The following TLE4 variants were observed in gnomAD, a reference collection of about 807,000 sequenced individuals.
TLE4 encodes transducin-like enhancer protein 4.
A neutral mutation model predicts 92.8 loss-of-function variants in TLE4; 8 were observed. The observed-to-expected ratio is 0.09, with a 90% confidence interval of 0.05 to 0.16. TLE4 has a LOEUF of 0.16. TLE4 is among the 10% of genes least tolerant of loss of function. TLE4 has a pLI of 1.00. For synonymous variants in TLE4, 371 were observed against 374.1 expected (o/e 0.99, Z 0.10); for missense variants, 675 against 997.6 (o/e 0.68, Z 4.36).
chr9:79,622,464 T>A (rs949125118), intron 5 of TLE4, among the ~76,000 whole-genome samples: 2 of 152,192 alleles, frequency 1.3e-5, no homozygotes, highest in African/African-American at 4.8e-5. Context: ...ATCCTTCAGG[T>A]CTCAGTTGTC....
At chr9:79,621,787 C>G (rs2051060935) in intron 5 of TLE4, among the ~76,000 whole-genome samples, 1 of 152,132 alleles carries the variant, frequency 6.6e-6, no homozygotes, top group South Asian at 2.1e-4. Flanking sequence ...ACTCTGGCAT[C>G]TGGGTCTCAT....
At chr9:79,676,005 G>A (rs2063191439) in intron 8 of TLE4, among the ~76,000 whole-genome samples, 1 of 152,114 alleles carries the variant, frequency 6.6e-6, no homozygotes, top group Admixed American at 6.6e-5. Flanking sequence ...ATTTTCAGGT[G>A]TGGGCTGCTC....
chr9:79,632,871 CTG>C (rs1194004321), intron 6 of TLE4, among the ~76,000 whole-genome samples: 4 of 152,178 alleles, frequency 2.6e-5, no homozygotes, highest in Admixed American at 2.6e-4. Flanking sequence ...TGGCCACTGT[CTG>C]TGTCGTGTAC....
At chr9:79,682,297 GT>G (rs2064875994) in intron 8 of TLE4, among the ~76,000 whole-genome samples, 1 of 152,096 alleles carries the variant, frequency 6.6e-6, no homozygotes, top group Middle Eastern at 3.2e-3. Context: ...GTGTATTAAT[GT>G]TTGATTATAG....
At chr9:79,674,207 A>G (rs2062870276) in intron 8 of TLE4, among the ~76,000 whole-genome samples, 1 of 152,176 alleles carries the variant, frequency 6.6e-6, no homozygotes, top group African/African-American at 2.4e-5. Context: ...TGCTAGCTTT[A>G]TGACCTTGGA....
chr9:79,654,565 T>C (rs985411918), intron 8 of TLE4, among the ~76,000 whole-genome samples: 7 of 152,138 alleles, frequency 4.6e-5, no homozygotes, highest in African/African-American at 1.7e-4. Flanking sequence ...TCACCAACTT[T>C]TCTTTCAAAT....
At chr9:79,659,750 G>A (rs970550153) in intron 8 of TLE4, among the ~76,000 whole-genome samples, 1 of 152,042 alleles carries the variant, frequency 6.6e-6, no homozygotes, top group African/African-American at 2.4e-5. Context: ...GTTAGGGCAT[G>A]GGGAATCAGG....
At chr9:79,687,011 C>T (rs907953805) in intron 8 of TLE4, among the ~76,000 whole-genome samples, 20 of 152,204 alleles carry the variant, frequency 1.3e-4, no homozygotes, top group Admixed American at 1.2e-3. Context: ...AGACACTGCA[C>T]TTAGGCTCTG....
rs2036023928 is a variant in TLE4 at position 79,572,238 on chromosome 9, G to A, written c.-553G>A. The A allele has an allele frequency of 6.6e-6, 1 of 152,182 alleles. No individual in the cohort carries two copies. The highest frequency in any genetic ancestry group is 1.9e-4 in the East Asian group (1 of 5,198). 9.4% of individuals were successfully genotyped at this position (152,182 alleles called of 1,614,324 possible). On this transcript the variant is annotated 5_prime_UTR_variant, in exon 1 of 20. Coordinates refer to ENST00000376552, the MANE Select transcript of TLE4 (RefSeq NM_007005.6). ...AAAAGGTGCCTTTTAAAAGATCGTT[G>A]CTGTGAAGTGAAAAAAATCTCCAGA... is the stretch of plus-strand genomic sequence containing the variant.
chr9:79,611,167 C>T (rs1247323957), intron 4 of TLE4, among the ~76,000 whole-genome samples: 5 of 152,004 alleles, frequency 3.3e-5, no homozygotes, highest in East Asian at 3.9e-4. Context: ...GTGGTATGTT[C>T]GTCCAGGTGG....
At chr9:79,682,061 A>G (rs1164892770) in intron 8 of TLE4, among the ~76,000 whole-genome samples, 1 of 152,022 alleles carries the variant, frequency 6.6e-6, no homozygotes, top group African/African-American at 2.4e-5. Context: ...GATTCAGCAC[A>G]TTGGCAGTTG....
At chr9:79,631,799 T>C (rs2054330176) in intron 6 of TLE4, among the ~76,000 whole-genome samples, 1 of 151,972 alleles carries the variant, frequency 6.6e-6, no homozygotes, top group South Asian at 2.1e-4. Flanking sequence ...CGTGGTCATT[T>C]TCCTTGTATT....
chr9:79,668,366 G>A (rs1422923030), intron 8 of TLE4, among the ~76,000 whole-genome samples: 1 of 152,210 alleles, frequency 6.6e-6, no homozygotes, highest in Non-Finnish European at 1.5e-5. Context: ...AGGAGTAGTG[G>A]TTTTCTTTCT....
At chr9:79,593,560 AG>A in intron 4 of TLE4, among the ~76,000 whole-genome samples, 1 of 152,360 alleles carries the variant, frequency 6.6e-6, no homozygotes, top group Non-Finnish European at 1.5e-5. Context: ...GGCCTTTAAA[AG>A]ATGGGTTTGA....
intron 14 of TLE4, among the ~76,000 whole-genome samples, chr9:79,717,600 G>A (rs1161143680): frequency 6.6e-6 from 1 of 152,196 alleles, no homozygotes; most frequent in Non-Finnish European, 1.5e-5. Context: ...ATAATGGACT[G>A]AATTTTGATG....
rs765570756 is a variant in TLE4 at position 79,725,123 on chromosome 9, A to G, written c.2301A>G (p.Thr767=). Residue 767 remains threonine (T), a synonymous_variant, in exon 20 of 20, where the codon ACA becomes ACG. Coordinates refer to ENST00000376552, the MANE Select transcript of TLE4 (RefSeq NM_007005.6). ...CTGGCTCTGGGGATAAGAAGGCCAC[A>G]GTTTATGAAGTTATTTATTAAAGAC... is the stretch of plus-strand genomic sequence containing the variant. The part of the protein sequence containing the change: ...IVTGSGDKKA[T]VYEVIY The G allele has an allele frequency of 4.3e-6, 7 of 1,613,522 alleles. No individual in the cohort carries two copies. The highest frequency in any genetic ancestry group is 5.1e-6 in the Non-Finnish European group (6 of 1,179,480).
chr9:79,699,221 G>A (rs980718594), intron 8 of TLE4, among the ~76,000 whole-genome samples: 13 of 152,110 alleles, frequency 8.5e-5, no homozygotes, highest in African/African-American at 2.9e-4. Context: ...GCTTTTCTAA[G>A]GGGTTGCAGA....
rs947971071 is a variant in TLE4, at chr9:79,724,849, T to TAAAAAAAAAAAAAAAAAAA, written c.2215-174_2215-156dup. On this transcript the variant is annotated intron_variant, in intron 19 of 19. Coordinates refer to ENST00000376552, the MANE Select transcript of TLE4 (RefSeq NM_007005.6). ...GTGACTGAGGGAGACCCTGTCTTAT[T>TAAAAAAAAAAAAAAAAAAA]AAAAAAAAAAAAAAAAAAAAAAAAA... is the stretch of plus-strand genomic sequence containing the variant. 1.2e-4 allele frequency among the ~76,000 whole-genome samples: 3 copies of TAAAAAAAAAAAAAAAAAAA among 25,990 alleles called. 1 individual carries two copies. The highest frequency in any genetic ancestry group is 4.9e-4 in the African/African-American group (3 of 6,176). The allele number at this position is 25,990 out of a possible 152,430, so 17.1% of individuals were successfully genotyped here.
At chr9:79,718,469 TC>T (rs938697882) in intron 14 of TLE4, among the ~76,000 whole-genome samples, 1 of 152,180 alleles carries the variant, frequency 6.6e-6, no homozygotes, top group African/African-American at 2.4e-5. Context: ...GAACTGCTGT[TC>T]TAGTTTAGAG....
Sources: allele counts gnomAD v4.1 joint callset (sites outside exome capture counted in the v4.1 genomes callset), GRCh38; gene constraint gnomAD v4.1.1; transcripts MANE v1.5; gene names NCBI Gene and HGNC (gene_info 2026-07-23, HGNC 2026-07-21).